The following ASIC2 variants were observed in gnomAD, a reference collection of about 807,000 sequenced individuals.
ASIC2 encodes the protein acid sensing ion channel subunit 2.
ASIC2 carries 25 observed loss-of-function variants against 57.3 expected under a neutral mutation model. The ratio of observed to expected loss-of-function variants is 0.44; its 90% CI spans 0.32 to 0.61. The LOEUF is 0.61. ASIC2 is among the 20% of genes least tolerant of loss of function. The pLI is 0.06. For missense variants in ASIC2, 641 were observed against 738.1 expected (o/e 0.87, Z 1.52); for synonymous variants, 319 against 307.5 (o/e 1.04, Z -0.39).
intron 1 of ASIC2, among the ~76,000 whole-genome samples, chr17:33,205,182 G>C (rs890944389): frequency 2.0e-5 from 3 of 152,216 alleles, no homozygotes; most frequent in Non-Finnish European, 2.9e-5. Context: ...GCTGGAAAGA[G>C]AGCCTGGCCC....
At chr17:33,684,329 G>T (rs1360706226) in intron 1 of ASIC2, among the ~76,000 whole-genome samples, 1 of 152,086 alleles carries the variant, frequency 6.6e-6, no homozygotes, top group East Asian at 1.9e-4. Context: ...GGGTGGGGAG[G>T]GGGGTGCTCT....
chr17:33,562,386 T>C (rs1916100352), intron 1 of ASIC2, among the ~76,000 whole-genome samples: 1 of 152,346 alleles, frequency 6.6e-6, no homozygotes, highest in East Asian at 1.9e-4. Context: ...TGAACAAATA[T>C]ACAGAGCCTC....
intron 1 of ASIC2, among the ~76,000 whole-genome samples, chr17:33,544,108 G>A (rs76225493): frequency 0.024 from 3,686 of 152,172 alleles, 189 homozygotes; most frequent in East Asian, 0.22. Context: ...CCTTTTCTAG[G>A]GTGATGTATG....
At chr17:33,150,226 T>A (rs1211452082) in intron 1 of ASIC2, among the ~76,000 whole-genome samples, 1 of 152,230 alleles carries the variant, frequency 6.6e-6, no homozygotes, top group Non-Finnish European at 1.5e-5. Flanking sequence ...AGCATCCAGT[T>A]AATTACTGAG....
intron 1 of ASIC2, among the ~76,000 whole-genome samples, chr17:33,306,348 CT>C (rs972893753): frequency 1.4e-4 from 21 of 152,262 alleles, no homozygotes; most frequent in African/African-American, 4.6e-4. Context: ...TTTTTTCCCC[CT>C]AGCCTGTTTT....
intron 1 of ASIC2, among the ~76,000 whole-genome samples, chr17:33,203,860 C>T (rs896125645): frequency 6.6e-6 from 1 of 152,130 alleles, no homozygotes; most frequent in African/African-American, 2.4e-5. Context: ...ATGTGACTGC[C>T]CCAAGCAAAG....
intron 1 of ASIC2, among the ~76,000 whole-genome samples, chr17:33,968,937 C>T (rs1905147747): frequency 6.6e-6 from 1 of 152,214 alleles, no homozygotes; most frequent in African/African-American, 2.4e-5. Flanking sequence ...CCTTTAGTTT[C>T]AGCCCCAGTT....
chr17:33,871,498 G>T (rs1914406858), intron 1 of ASIC2, among the ~76,000 whole-genome samples: 1 of 152,252 alleles, frequency 6.6e-6, no homozygotes, highest in African/African-American at 2.4e-5. Context: ...AGTGGAGAAG[G>T]TCCTGGCGGG....
At chr17:33,896,139 T>C (rs1039195495) in intron 1 of ASIC2, among the ~76,000 whole-genome samples, 4 of 152,242 alleles carry the variant, frequency 2.6e-5, no homozygotes, top group Non-Finnish European at 4.4e-5. Context: ...ATGTTAATAA[T>C]TTATTTATAT....
chr17:33,530,631 TC>T (rs1338092170), intron 1 of ASIC2, among the ~76,000 whole-genome samples: 1 of 152,228 alleles, frequency 6.6e-6, no homozygotes, highest in Non-Finnish European at 1.5e-5. Context: ...AGCCCTTTTT[TC>T]AAGGAGACTG....
At position 34,037,527 on chromosome 17, in the gene ASIC2, A is replaced by C. The variant is rs573357918; in HGVS notation, c.555+118451T>G. 3.9e-6 allele frequency: 5 copies of C among 1,278,410 alleles called. No homozygotes were observed. In the African/African-American group the frequency reaches 7.6e-5, roughly 20 times the overall value. 79.2% of individuals were successfully genotyped at this position (1,278,410 alleles called of 1,614,324 possible). A position where few individuals can be genotyped will look rare whatever the true frequency, so the allele number is the denominator to read the frequency against. ...AGAAGCACCTGGTACAGGTTTCATC[A>C]GATCCATTCGGATTCGCTATGTTCC... On this transcript the variant is annotated intron_variant, in intron 1 of 9. Coordinates refer to the ASIC2 transcript ENST00000359872.
At chr17:33,342,609 C>T (rs1001948726) in intron 1 of ASIC2, among the ~76,000 whole-genome samples, 3 of 152,182 alleles carry the variant, frequency 2.0e-5, no homozygotes, top group African/African-American at 7.2e-5. Flanking sequence ...ACTAAGTCCA[C>T]ATTATGACAC....
intron 1 of ASIC2, among the ~76,000 whole-genome samples, chr17:33,795,500 T>C (rs1911890428): frequency 6.6e-6 from 1 of 152,220 alleles, no homozygotes; most frequent in Admixed American, 6.5e-5. Flanking sequence ...CTGGAGGAAC[T>C]CAAACATTGA....
chr17:33,650,302 G>C (rs1906878221), intron 1 of ASIC2, among the ~76,000 whole-genome samples: 1 of 152,144 alleles, frequency 6.6e-6, no homozygotes, highest in South Asian at 2.1e-4. Context: ...CCCTCTATCA[G>C]AATGAATAAA....
At chr17:33,242,056 C>T (rs1391424995) in intron 1 of ASIC2, among the ~76,000 whole-genome samples, 4 of 152,220 alleles carry the variant, frequency 2.6e-5, no homozygotes, top group Non-Finnish European at 2.9e-5. Flanking sequence ...CAGTGGCTCA[C>T]GCCTGTAATC....
chr17:33,749,896 A>C (rs1910376839), intron 1 of ASIC2, among the ~76,000 whole-genome samples: 1 of 152,086 alleles, frequency 6.6e-6, no homozygotes, highest in South Asian at 2.1e-4. Flanking sequence ...CCATGCTGCC[A>C]ACTCCAAGGC....
At chr17:33,420,781 C>T (rs893820388) in intron 1 of ASIC2, among the ~76,000 whole-genome samples, 15 of 152,214 alleles carry the variant, frequency 9.9e-5, no homozygotes, top group African/African-American at 3.1e-4. Flanking sequence ...GGAGTTGGGA[C>T]GGGATGTGCA....
chr17:33,383,137 T>TA (rs1909550872), intron 1 of ASIC2, among the ~76,000 whole-genome samples: 1 of 152,244 alleles, frequency 6.6e-6, no homozygotes, highest in African/African-American at 2.4e-5. Flanking sequence ...GAAAAATTTT[T>TA]AAAGTCCTTT....
At chr17:33,015,366 G>A (rs2091800349) in intron 9 of ASIC2, among the ~76,000 whole-genome samples, 1 of 152,206 alleles carries the variant, frequency 6.6e-6, no homozygotes, top group African/African-American at 2.4e-5. Flanking sequence ...CGGGCTATAG[G>A]AAAGAGAGGC....
Sources: gnomAD v4.1 joint callset for allele counts (sites outside exome capture counted in the v4.1 genomes callset) on GRCh38, gnomAD v4.1.1 for gene constraint, MANE v1.5 for transcripts, NCBI Gene and HGNC (gene_info 2026-07-23, HGNC 2026-07-21) for gene names.